DEPDC5: variants seen among roughly 807,000 people sequenced by gnomAD.
DEPDC5 encodes DEP domain containing 5, GATOR1 subcomplex subunit.
DEPDC5 carries 73 observed loss-of-function variants against 217.3 expected under a neutral mutation model. That is an observed-to-expected ratio of 0.34 (90% confidence interval 0.28 to 0.41). The LOEUF (loss-of-function observed/expected upper bound fraction) is 0.41, where lower values mean the gene tolerates loss of function less well. Among genes scored for constraint, DEPDC5 ranks in the 10% least tolerant of loss-of-function variants. The pLI is 1.00. For missense variants in DEPDC5, 1,675 were observed against 2,070.1 expected (o/e 0.81, Z 3.70); for synonymous variants, 733 against 756.7 (o/e 0.97, Z 0.51).
intron 12 of DEPDC5, among the ~76,000 whole-genome samples, chr22:31,794,501 C>A (rs530639802): frequency 6.6e-6 from 1 of 152,078 alleles, no homozygotes; most frequent in Non-Finnish European, 1.5e-5. Context: ...AAGTTTATGT[C>A]ATTAAAAAGT....
At chr22:31,885,350 T>G (rs912296981) in intron 38 of DEPDC5, among the ~76,000 whole-genome samples, 1 of 152,202 alleles carries the variant, frequency 6.6e-6, no homozygotes, top group Non-Finnish European at 1.5e-5. Context: ...CTGCTTCCAG[T>G]GCTTTCCTTC....
intron 29 of DEPDC5, among the ~76,000 whole-genome samples, chr22:31,844,529 C>A (rs984914673): frequency 3.3e-5 from 5 of 152,136 alleles, no homozygotes; most frequent in African/African-American, 1.2e-4. Flanking sequence ...TCTTAACGTT[C>A]TCTCCACTAG....
At chr22:31,762,886 C>G (rs144589040) in intron 4 of DEPDC5, among the ~76,000 whole-genome samples, 2,268 of 152,250 alleles carry the variant, frequency 0.015, 58 homozygotes, top group African/African-American at 0.053. Flanking sequence ...ACAATCTTGG[C>G]TGACTGCAAC....
In DEPDC5 at chr22:31,815,161, C is replaced by G. The variant is rs193042481; in HGVS notation, c.1615C>G (p.His539Asp). The change falls in exon 21 of 43, where the codon CAC becomes GAC. Residue 539 changes from histidine (H) to aspartate (D), a missense_variant. Physicochemically the swap from His to Asp is moderately conservative, Grantham distance 81. This residue lies in a region of DEPDC5 where 628 missense variants were observed against 762.1 expected (regional missense o/e 0.82). Coordinates refer to ENST00000651528, the MANE Select transcript of DEPDC5 (RefSeq NM_001242896.3). ...CAACATCCTGATGATCCCACACCCCCACCTGCACCAGTATGAAGTCAGCAG... is the reference window on the plus strand; with the variant it reads ...CAACATCCTGATGATCCCACACCCCGACCTGCACCAGTATGAAGTCAGCAG... Reference protein sequence around the residue: ...SANILMIPHPHLHQYEVSSSL... With the variant: ...SANILMIPHPDLHQYEVSSSL... The G allele has an allele frequency of 4.1e-4, 655 of 1,614,208 alleles. 4 individuals are homozygous for G. The highest frequency in any genetic ancestry group is 5.9e-5 in the Non-Finnish European group (70 of 1,180,044).
chr22:31,822,613 C>G, intron 23 of DEPDC5, 80 bp from the exon 24 acceptor site: 1 of 1,399,656 alleles, frequency 7.1e-7, no homozygotes, highest in Admixed American at 1.9e-5. Flanking sequence ...AACCTACCTC[C>G]CACCCCCGGG....
chr22:31,770,385 G>T (rs1040720388), intron 7 of DEPDC5, among the ~76,000 whole-genome samples: 8 of 145,142 alleles, frequency 5.5e-5, no homozygotes, highest in East Asian at 2.0e-4. Flanking sequence ...TTGTTTTTTT[G>T]TTTTTTTTTT....
At chr22:31,804,740 C>T in intron 16 of DEPDC5, 102 bp from the exon 17 acceptor site, 5 of 1,253,508 alleles carry the variant, frequency 4.0e-6, no homozygotes, top group Non-Finnish European at 5.7e-6. Context: ...GCGCCCAGCC[C>T]TAAAAAATTT....
At chr22:31,822,563 C>G in intron 23 of DEPDC5, 130 bp from the exon 24 acceptor site, 4 of 807,420 alleles carry the variant, frequency 5.0e-6, no homozygotes, top group Non-Finnish European at 7.9e-6. Context: ...CCAGTGGCTG[C>G]CAGCTTGAGT....
intron 14 of DEPDC5, among the ~76,000 whole-genome samples, chr22:31,800,791 A>G (rs1270018195): frequency 2.0e-5 from 3 of 152,202 alleles, no homozygotes; most frequent in Non-Finnish European, 4.4e-5. Context: ...AGCCTGGGCA[A>G]CATGGTGAAA....
At chr22:31,841,544 T>C (rs1844770716) in intron 27 of DEPDC5, among the ~76,000 whole-genome samples, 1 of 152,192 alleles carries the variant, frequency 6.6e-6, no homozygotes, top group Non-Finnish European at 1.5e-5. Flanking sequence ...CTTTACAGAA[T>C]TTTTTAGGGT....
intron 38 of DEPDC5, among the ~76,000 whole-genome samples, chr22:31,882,465 A>G (rs964550511): frequency 2.0e-5 from 3 of 152,208 alleles, no homozygotes; most frequent in Non-Finnish European, 4.4e-5. Context: ...TCTTCCTTTC[A>G]AATAAATTTC....
At chr22:31,777,939 G>A (rs2084043223) in intron 7 of DEPDC5, 160 bp from the exon 8 acceptor site, 2 of 689,758 alleles carry the variant, frequency 2.9e-6, no homozygotes, top group Non-Finnish European at 5.0e-6. Flanking sequence ...GTATAGATGG[G>A]GTTTCACCAT....
chr22:31,804,790 C>T, intron 16 of DEPDC5, 52 bp from the exon 17 acceptor site: 2 of 1,575,070 alleles, frequency 1.3e-6, no homozygotes, highest in Non-Finnish European at 1.7e-6. Flanking sequence ...AGAGCAGTTC[C>T]AAAACCTACT....
At chr22:31,892,873 ATTTTTT>A (rs948740613) in intron 38 of DEPDC5, among the ~76,000 whole-genome samples, 1 of 120,084 alleles carries the variant, frequency 8.3e-6, no homozygotes. Context: ...TTGGTGGTGT[ATTTTTT>A]TTTTTTTTTT....
chr22:31,815,313 A>G, intron 21 of DEPDC5, 101 bp downstream of exon 21: 1 of 1,227,550 alleles, frequency 8.1e-7, no homozygotes, highest in Non-Finnish European at 1.2e-6. Flanking sequence ...TAAATCCCAC[A>G]TCTTAATGAT....
intron 25 of DEPDC5, 114 bp downstream of exon 25, chr22:31,834,094 C>T (rs771850385): frequency 1.3e-5 from 13 of 1,033,940 alleles, no homozygotes; most frequent in Non-Finnish European, 2.0e-5. Context: ...GGTACACATA[C>T]CTCTGGGGTA....
intron 29 of DEPDC5, among the ~76,000 whole-genome samples, chr22:31,844,080 G>A (rs1293868885): frequency 1.3e-5 from 2 of 152,088 alleles, no homozygotes. Context: ...ACAAAAATTA[G>A]CTGGGTGTGG....
chr22:31,807,803 C>T (rs1481023701), intron 18 of DEPDC5, among the ~76,000 whole-genome samples: 3 of 152,182 alleles, frequency 2.0e-5, no homozygotes, highest in East Asian at 1.9e-4. Context: ...GCCCCACACC[C>T]GAGTGCTCTC....
chr22:31,861,452 C>G lies in DEPDC5; in HGVS notation c.3330+19C>G, dbSNP rs1214861619. On this transcript the variant is annotated intron_variant, in intron 33 of 42. Coordinates refer to ENST00000651528, the MANE Select transcript of DEPDC5 (RefSeq NM_001242896.3). ...CCCTCAGGTTAGTCCAACTCCAGGGCTTCGCATGCCTGTCCCACTGGCAGA... is the reference window on the plus strand; with the variant it reads ...CCCTCAGGTTAGTCCAACTCCAGGGGTTCGCATGCCTGTCCCACTGGCAGA... 3.9e-6 allele frequency: 6 copies of G among 1,551,184 alleles called. No individual in the cohort carries two copies. The Admixed American group carries it at 1.2e-4, about 30-fold the overall frequency.
Sources: allele counts gnomAD v4.1 joint callset (sites outside exome capture counted in the v4.1 genomes callset), GRCh38; gene constraint gnomAD v4.1.1; regional missense constraint gnomAD v4.1.1; transcripts MANE v1.5; gene names NCBI Gene and HGNC (gene_info 2026-07-23, HGNC 2026-07-21).